Variants in HS6ST2 observed in about 807,000 individuals in gnomAD.
The protein encoded by HS6ST2 is heparan sulfate 6-O-sulfotransferase 2.
Under a neutral mutation model 33.0 loss-of-function variants are expected in HS6ST2, and 17 were observed. The ratio of observed to expected loss-of-function variants is 0.52; its 90% CI spans 0.35 to 0.77. The LOEUF (loss-of-function observed/expected upper bound fraction) is 0.77. HS6ST2 is among the 30% of genes least tolerant of loss of function. The pLI is 0.01. For missense variants in HS6ST2, 519 were observed against 551.7 expected (o/e 0.94, Z 0.59); for synonymous variants, 248 against 237.1 (o/e 1.05, Z -0.42).
At chrX:132,857,702 G>A (rs968510350) in intron 2 of HS6ST2, among the ~76,000 whole-genome samples, 10 of 110,994 alleles carry the variant, frequency 9.0e-5, no homozygotes, top group African/African-American at 3.3e-4. Context: ...ATTTGGTTGA[G>A]TCTACACACA....
chrX:132,880,473 T>G (rs752068913), intron 2 of HS6ST2, among the ~76,000 whole-genome samples: 17 of 105,854 alleles, frequency 1.6e-4, no homozygotes, highest in Admixed American at 7.2e-4. Context: ...GAGGCAGAAG[T>G]TGCAGCGAGC....
At chrX:132,891,869 A>T (rs1000564460) in intron 2 of HS6ST2, among the ~76,000 whole-genome samples, 1 of 111,686 alleles carries the variant, frequency 9.0e-6, no homozygotes, top group African/African-American at 3.3e-5. Context: ...TCTTTATAGC[A>T]GCATGATTTA....
At chrX:132,913,480 A>C (rs191124205) in intron 2 of HS6ST2, among the ~76,000 whole-genome samples, 2 of 112,760 alleles carry the variant, frequency 1.8e-5, no homozygotes, top group Admixed American at 1.9e-4. Flanking sequence ...TGTTCCCCTC[A>C]TCCAGATGTC....
chrX:132,861,982 T>C (rs1364230172), intron 2 of HS6ST2, among the ~76,000 whole-genome samples: 1 of 112,323 alleles, frequency 8.9e-6, no homozygotes, highest in Non-Finnish European at 1.9e-5. Flanking sequence ...TTTCTTGTGA[T>C]TTGATTTTTT....
chrX:132,909,500 G>A (rs10521777), intron 2 of HS6ST2, among the ~76,000 whole-genome samples: 1 of 112,068 alleles, frequency 8.9e-6, no homozygotes, highest in Non-Finnish European at 1.9e-5. Flanking sequence ...CCTTTATTAA[G>A]AGCTATTGAT....
In HS6ST2 at chrX:132,853,299, G is replaced by A. The variant is rs1329559764; in HGVS notation, c.947+103509C>T. On this transcript the variant is annotated intron_variant, in intron 2 of 4. Transcript: ENST00000370833. The stretch of plus-strand genomic sequence containing the variant: ...TTCCTGAGTAGCTGGGACTACAGGC[G>A]TGTGCTAGGGTGCCTGGCTTTTTTT... 5.9e-5 allele frequency among the ~76,000 whole-genome samples: 6 copies of A among 102,419 alleles called. No individual in the cohort carries two copies. In the East Asian group the frequency reaches 1.9e-3, roughly 32 times the overall value. 88.9% of individuals were successfully genotyped at this position (102,419 alleles called of 115,157 possible). A position where few individuals can be genotyped will look rare whatever the true frequency, so the allele number is the denominator to read the frequency against.
At chrX:132,779,259 C>G (rs1275669522) in intron 2 of HS6ST2, among the ~76,000 whole-genome samples, 1 of 111,857 alleles carries the variant, frequency 8.9e-6, no homozygotes, top group Non-Finnish European at 1.9e-5. Context: ...ATTTTACATC[C>G]TTTCCCCAGA....
chrX:132,897,740 C>T (rs1322494751), intron 2 of HS6ST2, among the ~76,000 whole-genome samples: 1 of 111,462 alleles, frequency 9.0e-6, no homozygotes, highest in African/African-American at 3.3e-5. Flanking sequence ...ATGTTCACCA[C>T]CTCCCTCCGC....
chrX:132,883,202 G>A (rs968377901), intron 2 of HS6ST2, among the ~76,000 whole-genome samples: 31 of 111,537 alleles, frequency 2.8e-4, no homozygotes, highest in Non-Finnish European at 4.7e-4. Context: ...CAGAAGGAAT[G>A]GTACCAGCTC....
intron 2 of HS6ST2, among the ~76,000 whole-genome samples, chrX:132,889,200 T>G (rs2066281656): frequency 9.0e-6 from 1 of 110,832 alleles, no homozygotes; most frequent in South Asian, 3.9e-4. Context: ...AGGGCCCAGC[T>G]AAGATCAGAA....
At chrX:132,723,690 T>C (rs2064360095) in intron 2 of HS6ST2, among the ~76,000 whole-genome samples, 1 of 112,274 alleles carries the variant, frequency 8.9e-6, no homozygotes, top group South Asian at 3.7e-4. Context: ...AAAAGCTATG[T>C]ATGACAGAGC....
chrX:132,844,027 A>G (rs1702860350), intron 2 of HS6ST2, among the ~76,000 whole-genome samples: 1 of 112,119 alleles, frequency 8.9e-6, no homozygotes, highest in Admixed American at 9.5e-5. Flanking sequence ...TTTCACAACA[A>G]TTCCAGCTGT....
chrX:132,658,218 T>C (rs1463979253), intron 4 of HS6ST2, among the ~76,000 whole-genome samples: 1 of 111,611 alleles, frequency 9.0e-6, no homozygotes, highest in Non-Finnish European at 1.9e-5. Context: ...TATTTGGGTA[T>C]GGGCAACACC....
intron 3 of HS6ST2, among the ~76,000 whole-genome samples, chrX:132,702,259 C>G (rs2064150650): frequency 8.9e-6 from 1 of 112,672 alleles, no homozygotes; most frequent in Non-Finnish European, 1.9e-5. Context: ...TTTCCCTTTA[C>G]AGAAATAGGC....
At position 132,958,279 on chromosome X, in the gene HS6ST2, G is replaced by T. The variant is rs772900746; in HGVS notation, c.324C>A (p.Gly108=). The T allele has an allele frequency of 1.7e-6, 2 of 1,191,851 alleles. No homozygotes were observed. Among genetic ancestry groups the T allele is most frequent in the East Asian group, 3.0e-5 (1 of 33,436 alleles). ...MHVLRRRWDL[G]SLCRALLTRG... ...GAGTGAGCAGGGCCCGGCAGAGGGA[G>T]CCCAGGTCCCAGCGTCGCCTGAGGA... Residue 108 remains glycine (G), a synonymous_variant, in exon 1 of 5, where the codon GGC becomes GGA. Coordinates refer to ENST00000370833, the MANE Select transcript of HS6ST2 (RefSeq NM_001394073.1).
chrX:132,946,917 A>C (rs2066963536), intron 2 of HS6ST2, among the ~76,000 whole-genome samples: 1 of 111,753 alleles, frequency 8.9e-6, no homozygotes, highest in Admixed American at 9.5e-5. Context: ...AAACTACCTA[A>C]GTCTTGGAGT....
At position 132,938,211 on chromosome X, in the gene HS6ST2, A is replaced by G. The variant is rs924952903; in HGVS notation, c.947+18597T>C. Among the ~76,000 whole-genome samples the G allele has an allele frequency of 3.7e-5, 4 of 109,472 alleles. No homozygotes were observed. In the Admixed American group the frequency reaches 3.9e-4, roughly 11 times the overall value. On this transcript the variant is annotated intron_variant, in intron 2 of 4. Coordinates refer to ENST00000370833, the MANE Select transcript of HS6ST2 (RefSeq NM_001394073.1). ...AAAATAAAGAGAAAAAAACACAATT[A>G]TCTCAAGAGATGCAGAATAATCATG...
intron 2 of HS6ST2, among the ~76,000 whole-genome samples, chrX:132,903,397 T>C (rs1435053762): frequency 8.9e-6 from 1 of 111,908 alleles, no homozygotes; most frequent in African/African-American, 3.2e-5. Flanking sequence ...TGCAATGTAA[T>C]CCCTATCAAA....
intron 2 of HS6ST2, among the ~76,000 whole-genome samples, chrX:132,933,358 G>T (rs745442035): frequency 9.0e-6 from 1 of 110,694 alleles, no homozygotes; most frequent in Non-Finnish European, 1.9e-5. Flanking sequence ...CAAGGCTTCC[G>T]CAGACAATTT....
Sources: gnomAD v4.1 joint callset for allele counts (sites outside exome capture counted in the v4.1 genomes callset) on GRCh38, gnomAD v4.1.1 for gene constraint, MANE v1.5 for transcripts, NCBI Gene and HGNC (gene_info 2026-07-23, HGNC 2026-07-21) for gene names.